The following CDH8 variants were observed in gnomAD, a reference collection of about 807,000 sequenced individuals.
The protein encoded by CDH8 is cadherin 8.
In CDH8, 17 loss-of-function variants were observed where a neutral mutation model predicts 68.1. The observed-to-expected ratio is 0.25, with a 90% CI of 0.17 to 0.37. The LOEUF (loss-of-function observed/expected upper bound fraction) is 0.37, where lower values mean the gene tolerates loss of function less well. Among genes scored for constraint, CDH8 ranks in the 10% least tolerant of loss-of-function variants. The pLI is 1.00. For missense variants in CDH8, 763 were observed against 999.3 expected (o/e 0.76, Z 3.19); for synonymous variants, 372 against 365.1 (o/e 1.02, Z -0.21).
At chr16:61,781,473 T>C (rs1294431637) in intron 8 of CDH8, among the ~76,000 whole-genome samples, 2 of 152,002 alleles carry the variant, frequency 1.3e-5, no homozygotes, top group East Asian at 1.9e-4. Flanking sequence ...AAACTACAAT[T>C]AGCCAGGCAT....
chr16:61,713,869 A>G lies in CDH8; in HGVS notation c.1626T>C (p.Asn542=). 1 of 1,594,900 alleles carries G rather than the reference A, an allele frequency of 6.3e-7. No individual in the cohort carries two copies. Among genetic ancestry groups the G allele is most frequent in the Non-Finnish European group, 8.6e-7 (1 of 1,163,466 alleles). The change falls in exon 10 of 12, where the codon AAT becomes AAC. Residue 542 remains asparagine (N), a synonymous_variant. Transcript: ENST00000577390. ...CATTTTTCTTGATGGTGAAATTCGG[A>G]TTGTTGACCATTTCTGGAAGGAGAC... ...LYSLLPEMVN[N]PNFTIKKNED... is the part of the protein sequence containing the mutation.
chr16:61,802,860 A>G (rs1291866900), intron 7 of CDH8, among the ~76,000 whole-genome samples: 28 of 119,304 alleles, frequency 2.3e-4, no homozygotes, highest in African/African-American at 8.3e-4. Flanking sequence ...TGAAAGTGAT[A>G]GGGAGAATGG....
At chr16:61,751,379 C>G (rs1298803047) in intron 8 of CDH8, among the ~76,000 whole-genome samples, 1 of 69,058 alleles carries the variant, frequency 1.4e-5, no homozygotes, top group Non-Finnish European at 2.7e-5. Context: ...TCCATATTCT[C>G]CTTAAAAAAA....
chr16:62,014,467 G>A (rs1205607425), intron 2 of CDH8, among the ~76,000 whole-genome samples: 1 of 152,160 alleles, frequency 6.6e-6, no homozygotes, highest in African/African-American at 2.4e-5. Flanking sequence ...GGAACTGACA[G>A]TGAATTGTTC....
chr16:61,682,878 T>C (rs1483765370), intron 10 of CDH8, among the ~76,000 whole-genome samples: 1 of 151,940 alleles, frequency 6.6e-6, no homozygotes, highest in Non-Finnish European at 1.5e-5. Flanking sequence ...TAACTAGTTC[T>C]ACACAAAACG....
chr16:61,852,881 C>CCTTT (rs1962966916), intron 4 of CDH8, among the ~76,000 whole-genome samples: 1 of 134,668 alleles, frequency 7.4e-6, no homozygotes, highest in African/African-American at 3.2e-5. Flanking sequence ...TTCCTTCCTT[C>CCTTT]CTTCCTTCCT....
At chr16:61,729,193 T>C (rs1387188478) in intron 8 of CDH8, among the ~76,000 whole-genome samples, 2 of 151,178 alleles carry the variant, frequency 1.3e-5, no homozygotes, top group Admixed American at 1.3e-4. Flanking sequence ...AAGTTAAGCA[T>C]CAACTTCAAA....
At chr16:61,952,672 C>T (rs1028838137) in intron 2 of CDH8, among the ~76,000 whole-genome samples, 1 of 152,048 alleles carries the variant, frequency 6.6e-6, no homozygotes, top group Non-Finnish European at 1.5e-5. Flanking sequence ...GCATGATCTG[C>T]AGAAGGTTGA....
chr16:61,852,488 A>G (rs1470711718), intron 4 of CDH8, among the ~76,000 whole-genome samples: 5 of 152,090 alleles, frequency 3.3e-5, no homozygotes, highest in Non-Finnish European at 7.4e-5. Context: ...AGCAAATCTG[A>G]GCAAGAGTTT....
At chr16:61,954,537 TA>T (rs1964953062) in intron 2 of CDH8, among the ~76,000 whole-genome samples, 2 of 150,506 alleles carry the variant, frequency 1.3e-5, no homozygotes, top group African/African-American at 2.5e-5. Flanking sequence ...CTGTCTCTAC[TA>T]AAAATACAAA....
At chr16:61,873,565 G>C (rs1899669171) in intron 3 of CDH8, among the ~76,000 whole-genome samples, 1 of 152,222 alleles carries the variant, frequency 6.6e-6, no homozygotes, top group African/African-American at 2.4e-5. Context: ...CCTGACTTAT[G>C]ACGGGTCAAC....
chr16:61,734,860 C>T (rs1251605871), intron 8 of CDH8, among the ~76,000 whole-genome samples: 2 of 152,066 alleles, frequency 1.3e-5, no homozygotes, highest in African/African-American at 4.8e-5. Context: ...CAAATTACCA[C>T]AAGCTTCATG....
chr16:61,903,496 TG>T (rs1244762719), intron 2 of CDH8, among the ~76,000 whole-genome samples: 1 of 152,040 alleles, frequency 6.6e-6, no homozygotes, highest in African/African-American at 2.4e-5. Flanking sequence ...GCTAATTTTT[TG>T]TATTTTTAGT....
chr16:61,948,951 T>G (rs927803583), intron 2 of CDH8, among the ~76,000 whole-genome samples: 1 of 152,178 alleles, frequency 6.6e-6, no homozygotes, highest in Non-Finnish European at 1.5e-5. Context: ...ATCAAAAGTG[T>G]TTAAATGCAT....
intron 4 of CDH8, among the ~76,000 whole-genome samples, chr16:61,833,405 A>G (rs2075319101): frequency 1.3e-5 from 2 of 151,800 alleles, no homozygotes; most frequent in South Asian, 4.1e-4. Context: ...ATACACACAT[A>G]CATATATACA....
chr16:61,771,982 C>G (rs974089211), intron 8 of CDH8, among the ~76,000 whole-genome samples: 1 of 151,926 alleles, frequency 6.6e-6, no homozygotes, highest in Non-Finnish European at 1.5e-5. Context: ...AGGTGTGGAA[C>G]AGACTTCAGC....
intron 4 of CDH8, among the ~76,000 whole-genome samples, chr16:61,852,969 G>C (rs554536786): frequency 2.0e-5 from 3 of 148,416 alleles, no homozygotes; most frequent in Non-Finnish European, 3.0e-5. Flanking sequence ...GGACTTCTAG[G>C]TGCCAGACAT....
intron 3 of CDH8, among the ~76,000 whole-genome samples, chr16:61,893,901 G>T (rs1304569972): frequency 6.6e-6 from 1 of 152,154 alleles, no homozygotes; most frequent in East Asian, 1.9e-4. Context: ...AATGACTGTA[G>T]ATAGAATGAT....
chr16:61,700,187 C>T (rs1204877468), intron 10 of CDH8, among the ~76,000 whole-genome samples: 1 of 151,880 alleles, frequency 6.6e-6, no homozygotes, highest in African/African-American at 2.4e-5. Context: ...CATGAGAGTG[C>T]TGATGTCTCT....
Sources: allele counts gnomAD v4.1 joint callset (sites outside exome capture counted in the v4.1 genomes callset), GRCh38; gene constraint gnomAD v4.1.1; transcripts MANE v1.5; gene names NCBI Gene and HGNC (gene_info 2026-07-23, HGNC 2026-07-21).